Variants in ARPP21 observed in about 807,000 individuals in gnomAD.
ARPP21 encodes cAMP-regulated phosphoprotein 21.
Under a neutral mutation model 113.2 loss-of-function variants are expected in ARPP21, and 69 were observed. That is an observed-to-expected ratio of 0.61 (90% CI 0.50 to 0.74). The LOEUF is 0.74. Ranked by LOEUF, ARPP21 falls within the 30% of genes least tolerant of loss-of-function variation. The pLI is 0.00. For missense variants in ARPP21, 1,070 were observed against 1,037.4 expected, an observed-to-expected ratio of 1.03 and a Z score of -0.43; for synonymous variants, 368 against 375.5, an observed-to-expected ratio of 0.98 and a Z score of 0.23.
chr3:35,750,824 C>A (rs1322044662), intron 19 of ARPP21, among the ~76,000 whole-genome samples: 1 of 151,970 alleles, frequency 6.6e-6, no homozygotes, highest in Non-Finnish European at 1.5e-5. Flanking sequence ...TGTTTTATCA[C>A]CTAAAAAAAA....
At chr3:35,705,815 G>T (rs946182186) in intron 9 of ARPP21, among the ~76,000 whole-genome samples, 5 of 152,052 alleles carry the variant, frequency 3.3e-5, no homozygotes, top group Non-Finnish European at 7.4e-5. Flanking sequence ...TATTATTCCA[G>T]TTTTTTGCTA....
At chr3:35,695,394 C>T (rs963226803) in intron 9 of ARPP21, among the ~76,000 whole-genome samples, 7 of 151,444 alleles carry the variant, frequency 4.6e-5, no homozygotes, top group African/African-American at 1.5e-4. Flanking sequence ...ACTTCGGTGG[C>T]GGTGGTCACA....
intron 19 of ARPP21, among the ~76,000 whole-genome samples, chr3:35,776,833 A>C (rs897900222): frequency 6.6e-6 from 1 of 152,036 alleles, no homozygotes; most frequent in Non-Finnish European, 1.5e-5. Context: ...TCTGGGCCCA[A>C]GTGCCTTTCT....
intron 19 of ARPP21, among the ~76,000 whole-genome samples, chr3:35,782,486 A>G (rs1296922862): frequency 6.6e-6 from 1 of 152,042 alleles, no homozygotes; most frequent in Non-Finnish European, 1.5e-5. Context: ...AACTCCTAAT[A>G]AGCTCTCTGA....
At chr3:35,783,360 T>C (rs967779970) in intron 19 of ARPP21, among the ~76,000 whole-genome samples, 1 of 152,180 alleles carries the variant, frequency 6.6e-6, no homozygotes, top group Non-Finnish European at 1.5e-5. Context: ...TCTGTATTTA[T>C]AGCTAAGGCA....
At chr3:35,645,674 T>C (rs1350510625) in intron 1 of ARPP21, among the ~76,000 whole-genome samples, 39 of 151,998 alleles carry the variant, frequency 2.6e-4, no homozygotes, top group Non-Finnish European at 1.5e-4. Flanking sequence ...TAATAATGGA[T>C]AAGCATTCTT....
intron 2 of ARPP21, among the ~76,000 whole-genome samples, chr3:35,680,522 T>C (rs1362605059): frequency 1.3e-5 from 2 of 151,950 alleles, no homozygotes; most frequent in Non-Finnish European, 2.9e-5. Context: ...ATTTTTCTCA[T>C]ACTTCCTATT....
intron 19 of ARPP21, among the ~76,000 whole-genome samples, chr3:35,770,410 G>A (rs891109796): frequency 1.3e-5 from 2 of 152,158 alleles, no homozygotes; most frequent in Non-Finnish European, 1.5e-5. Flanking sequence ...TCATAGCTCA[G>A]GCTGCCTCCA....
At chr3:35,731,227 C>G (rs2093935062) in intron 15 of ARPP21, among the ~76,000 whole-genome samples, 1 of 152,086 alleles carries the variant, frequency 6.6e-6, no homozygotes, top group African/African-American at 2.4e-5. Context: ...TTTGTAATGA[C>G]AGCATAGTTG....
At chr3:35,782,343 A>G (rs1177766592) in intron 19 of ARPP21, among the ~76,000 whole-genome samples, 1 of 152,136 alleles carries the variant, frequency 6.6e-6, no homozygotes, top group Non-Finnish European at 1.5e-5. Flanking sequence ...GGTTATTGCA[A>G]TTCCATGTGG....
chr3:35,741,885 G>C (rs546570873), intron 18 of ARPP21, among the ~76,000 whole-genome samples: 1 of 152,080 alleles, frequency 6.6e-6, no homozygotes, highest in Non-Finnish European at 1.5e-5. Context: ...TGCTTCATCC[G>C]GTTGGGGATC....
At chr3:35,718,216 G>T (rs1576257348) in intron 13 of ARPP21, among the ~76,000 whole-genome samples, 1 of 152,130 alleles carries the variant, frequency 6.6e-6, no homozygotes, top group Non-Finnish European at 1.5e-5. Flanking sequence ...AACTCATTAT[G>T]AGTAAAATTA....
chr3:35,667,959 AGAAGAAGAAGAAGAAGAAGAAGAAGAAG>A (rs2075085478), intron 1 of ARPP21, among the ~76,000 whole-genome samples: 1 of 61,156 alleles, frequency 1.6e-5, no homozygotes, highest in African/African-American at 6.4e-5. Flanking sequence ...AAGAAGAAGA[AGAAGAAGAAGAAGAAGAAGAAGAAGAAG>A]AAGAAGAAGA....
chr3:35,746,538 C>T (rs1472230077), intron 19 of ARPP21, among the ~76,000 whole-genome samples: 1 of 152,168 alleles, frequency 6.6e-6, no homozygotes, highest in Admixed American at 6.5e-5. Context: ...ATCAGCATGT[C>T]ACCCTCCCAC....
intron 12 of ARPP21, 90 bp from the exon 13 acceptor site, chr3:35,717,208 T>A: frequency 1.4e-6 from 1 of 702,008 alleles, no homozygotes. Flanking sequence ...GGGATTGATT[T>A]GTGCTGTAGT....
At chr3:35,720,312 ATCT>A (rs1219003404) in intron 13 of ARPP21, among the ~76,000 whole-genome samples, 6 of 152,098 alleles carry the variant, frequency 3.9e-5, no homozygotes, top group Non-Finnish European at 8.8e-5. Context: ...GGATCCATTT[ATCT>A]TCTTATGTTT....
rs190556315 is a variant in ARPP21, at chr3:35,735,787, G to C, written c.1460-1391G>C. 3.2e-3 allele frequency among the ~76,000 whole-genome samples: 491 copies of C among 152,286 alleles called. 2 individuals carry two copies. Among genetic ancestry groups the C allele is most frequent in the African/African-American group, 0.011 (472 of 41,554 alleles). On this transcript the variant is annotated intron_variant, in intron 15 of 20. Coordinates refer to ENST00000684406, the MANE Select transcript of ARPP21 (RefSeq NM_001385562.1). ...TATTCCCACTGCTCCTTTTCCAATA[G>C]GGTTACAGGATTTACTGAAAAGGGA... is the stretch of plus-strand genomic sequence containing the variant.
intron 9 of ARPP21, among the ~76,000 whole-genome samples, chr3:35,697,588 G>A (rs1281882307): frequency 6.6e-6 from 1 of 151,568 alleles, no homozygotes; most frequent in African/African-American, 2.4e-5. Context: ...TGAAGTGATG[G>A]ATAGTTATTA....
At chr3:35,647,586 C>T (rs1412550020) in intron 1 of ARPP21, among the ~76,000 whole-genome samples, 1 of 152,058 alleles carries the variant, frequency 6.6e-6, no homozygotes, top group African/African-American at 2.4e-5. Flanking sequence ...AATGAAAGGT[C>T]CAGGGAAATA....
Sources: allele counts gnomAD v4.1 joint callset (sites outside exome capture counted in the v4.1 genomes callset), GRCh38; gene constraint gnomAD v4.1.1; transcripts MANE v1.5; gene names NCBI Gene and HGNC (gene_info 2026-07-23, HGNC 2026-07-21).